ADGB: variants seen among roughly 807,000 people sequenced by gnomAD.
ADGB encodes calpain-7-like protein.
In ADGB, 172 loss-of-function variants were observed where a neutral mutation model predicts 210.5. The ratio of observed to expected loss-of-function variants is 0.82; its 90% CI spans 0.72 to 0.93. The LOEUF is 0.93. Ranked by LOEUF, ADGB falls within the 40% of genes least tolerant of loss-of-function variation. ADGB has a pLI of 0.00. For synonymous variants in ADGB, 658 were observed against 662.7 expected, an observed-to-expected ratio of 0.99 and a Z score of 0.11; for missense variants, 2,025 against 1,964.8, an observed-to-expected ratio of 1.03 and a Z score of -0.58.
intron 33 of ADGB, among the ~76,000 whole-genome samples, chr6:146,789,170 C>T (rs1777921161): frequency 6.6e-6 from 1 of 152,146 alleles, no homozygotes; most frequent in Admixed American, 6.5e-5. Context: ...TAAGCAACTC[C>T]TCAACTCCTT....
chr6:146,641,002 T>C (rs577180048), intron 2 of ADGB, among the ~76,000 whole-genome samples: 1 of 152,062 alleles, frequency 6.6e-6, no homozygotes, highest in African/African-American at 2.4e-5. Flanking sequence ...TAATTCTATA[T>C]CTAGAAAACC....
chr6:146,732,577 G>T (rs1238615103), intron 20 of ADGB, among the ~76,000 whole-genome samples: 1 of 86,494 alleles, frequency 1.2e-5, no homozygotes, highest in African/African-American at 8.3e-5. Flanking sequence ...AGCTATTTTG[G>T]TAAAAAAAAA....
chr6:146,654,645 C>G (rs1775754851), intron 4 of ADGB, among the ~76,000 whole-genome samples: 1 of 152,094 alleles, frequency 6.6e-6, no homozygotes, highest in South Asian at 2.1e-4. Flanking sequence ...AGCCCCTGTT[C>G]CTGGCCAAAA....
chr6:146,617,800 AC>A (rs1780826530), intron 1 of ADGB, among the ~76,000 whole-genome samples: 1 of 152,010 alleles, frequency 6.6e-6, no homozygotes, highest in Admixed American at 6.6e-5. Context: ...CCACTTTATC[AC>A]AGTATATGAT....
In ADGB at chr6:146,629,211, C is replaced by T. The variant is rs575665524; in HGVS notation, c.75-6164C>T. ...ATGCACTTTGAATACTTAAAAGATC[C>T]CAACTATACTAGAGCAGTGGGTATA... On this transcript the variant is annotated intron_variant, in intron 1 of 35. Coordinates refer to ENST00000397944, the MANE Select transcript of ADGB (RefSeq NM_024694.4). 1.6e-3 allele frequency among the ~76,000 whole-genome samples: 242 copies of T among 152,114 alleles called. 2 individuals carry two copies. Among genetic ancestry groups the T allele is most frequent in the African/African-American group, 5.6e-3 (233 of 41,482 alleles).
chr6:146,615,873 T>C (rs1198071259), intron 1 of ADGB, among the ~76,000 whole-genome samples: 1 of 152,256 alleles, frequency 6.6e-6, no homozygotes, highest in African/African-American at 2.4e-5. Flanking sequence ...GTAATAAATA[T>C]GGAAGTGCAT....
intron 25 of ADGB, among the ~76,000 whole-genome samples, chr6:146,745,307 G>T (rs535478462): frequency 2.6e-5 from 4 of 152,168 alleles, no homozygotes; most frequent in African/African-American, 7.2e-5. Context: ...TTGATTCACT[G>T]ACTTTTTAGT....
intron 35 of ADGB, among the ~76,000 whole-genome samples, chr6:146,813,928 A>G (rs760101240): frequency 6.6e-6 from 1 of 152,208 alleles, no homozygotes; most frequent in Non-Finnish European, 1.5e-5. Context: ...TTTTTATCAG[A>G]TAGGAGAATG....
intron 1 of ADGB, among the ~76,000 whole-genome samples, chr6:146,606,680 T>C (rs9390398): frequency 0.38 from 58,215 of 152,170 alleles, 13,600 homozygotes; most frequent in Admixed American, 0.52. Flanking sequence ...TTGCTTGTTA[T>C]TGTTGACTTT....
At chr6:146,774,804 TTA>T (rs1777697741) in intron 29 of ADGB, among the ~76,000 whole-genome samples, 1 of 152,168 alleles carries the variant, frequency 6.6e-6, no homozygotes, top group South Asian at 2.1e-4. Context: ...AAAAATTCAG[TTA>T]CTAATGTCTT....
chr6:146,644,633 G>A lies in ADGB; in HGVS notation c.238-140G>A, dbSNP rs1775578867. On this transcript the variant is annotated intron_variant, in intron 2 of 35. Transcript: ENST00000397944. The stretch of plus-strand genomic sequence containing the variant: ...TATTCTTTAAATACTCCATGAATTA[G>A]CTCTTACAACAAGAACACAAACTGC... The A allele has an allele frequency of 6.2e-6, 3 of 486,832 alleles. No individual in the cohort carries two copies. The Admixed American group carries it at 1.2e-4, about 19-fold the overall frequency. 30.2% of individuals were successfully genotyped at this position (486,832 alleles called of 1,614,324 possible). A position where few individuals can be genotyped will look rare whatever the true frequency, so the allele number is the denominator to read the frequency against.
At chr6:146,652,643 G>T (rs905364158) in intron 3 of ADGB, among the ~76,000 whole-genome samples, 6 of 151,808 alleles carry the variant, frequency 4.0e-5, no homozygotes, top group African/African-American at 1.5e-4. Flanking sequence ...ACCTGATTTA[G>T]AAGTGTACTA....
chr6:146,618,969 C>G (rs1780844917), intron 1 of ADGB, among the ~76,000 whole-genome samples: 3 of 150,662 alleles, frequency 2.0e-5, no homozygotes, highest in African/African-American at 7.3e-5. Flanking sequence ...TCCTCTATTA[C>G]TCTTGTATTG....
intron 4 of ADGB, among the ~76,000 whole-genome samples, chr6:146,656,068 A>ACAATGAAGAACTT (rs1775776264): frequency 6.6e-6 from 1 of 152,218 alleles, no homozygotes; most frequent in African/African-American, 2.4e-5. Flanking sequence ...ACTATTATCT[A>ACAATGAAGAACTT]CATTCTACAA....
At chr6:146,711,908 T>C (rs1776662662) in intron 13 of ADGB, among the ~76,000 whole-genome samples, 2 of 151,612 alleles carry the variant, frequency 1.3e-5, no homozygotes, top group Admixed American at 6.6e-5. Context: ...CCCAAAAACA[T>C]TAGTCAGGCA....
chr6:146,644,923 G>T, intron 3 of ADGB, 58 bp downstream of exon 3: 1 of 1,086,184 alleles, frequency 9.2e-7, no homozygotes, highest in Non-Finnish European at 1.3e-6. Context: ...TTATCCTACT[G>T]ATAAAAATTT....
Position 146,676,407 on chromosome 6 carries a change from A to C in ADGB, c.1182A>C (p.Ser394=). The C allele has an allele frequency of 6.5e-7, 1 of 1,546,634 alleles. No individual in the cohort carries two copies. The highest frequency in any genetic ancestry group is 1.2e-5 in the South Asian group (1 of 83,300). Residue 394 remains serine (S), a synonymous_variant, in exon 9 of 36, where the codon TCA becomes TCC. Transcript: ENST00000397944. The part of the protein sequence containing the change: ...KFSLHGSRPS[S]EVQYSVQSLS... ...CACTTCATGGTTCAAGACCCTCATCAGAAGTGCAGTACTCTGTGCAGTCCC... is the reference window on the plus strand; with the variant it reads ...CACTTCATGGTTCAAGACCCTCATCCGAAGTGCAGTACTCTGTGCAGTCCC...
chr6:146,736,604 A>C lies in ADGB; in HGVS notation c.2888+13A>C, dbSNP rs1777083021. 5 of 1,514,520 alleles carry C rather than the reference A, an allele frequency of 3.3e-6. No homozygotes were observed. Among genetic ancestry groups the C allele is most frequent in the Non-Finnish European group, 4.4e-6 (5 of 1,123,784 alleles). The allele number at this position is 1,514,520 out of a possible 1,614,324, so 93.8% of individuals were successfully genotyped here. ...TTTCTCTCTTAAGGTAAAGCAGTCA[A>C]ATGATATTTTTATTGCAGTATATTG... On this transcript the variant is annotated intron_variant, in intron 23 of 35. Transcript: ENST00000397944.
At chr6:146,608,142 C>A (rs889419753) in intron 1 of ADGB, among the ~76,000 whole-genome samples, 4 of 151,970 alleles carry the variant, frequency 2.6e-5, no homozygotes, top group Non-Finnish European at 1.5e-5. Flanking sequence ...TGTATGTTTC[C>A]AGGAATTTAT....
Sources: gnomAD v4.1 joint callset for allele counts (sites outside exome capture counted in the v4.1 genomes callset) on GRCh38, gnomAD v4.1.1 for gene constraint, MANE v1.5 for transcripts, NCBI Gene and HGNC (gene_info 2026-07-23, HGNC 2026-07-21) for gene names.